Variants in C3orf20 observed in about 807,000 individuals in gnomAD.
C3orf20 encodes family with sequence similarity 149 member C, also known as uncharacterized protein C3orf20.
C3orf20 carries 76 observed loss-of-function variants against 88.3 expected under a neutral mutation model. The observed-to-expected ratio is 0.86, with a 90% confidence interval of 0.72 to 1.04. The LOEUF is 1.04. C3orf20 is among the 50% of genes least tolerant of loss of function. The pLI, the probability that C3orf20 is intolerant of heterozygous loss-of-function variation, is 0.00. For synonymous variants in C3orf20, 436 were observed against 437.4 expected, an observed-to-expected ratio of 1.00 and a Z score of 0.04; for missense variants, 1,056 against 1,123.3, an observed-to-expected ratio of 0.94 and a Z score of 0.86.
Position 14,768,434 on chromosome 3 carries a change from G to T in C3orf20, c.2496-3633G>T, listed in dbSNP as rs893558421. On this transcript the variant is annotated intron_variant, in intron 15 of 16. Transcript: ENST00000253697. This position sits in a 1 kb window ranked among gnomAD's most constrained non-coding sequence, Gnocchi z 4.1. ...CAGCCCAAGGAAGCCCCTTGGACAG[G>T]CAGGGGAAGGGCATGCAGACGTAGG... Among the ~76,000 whole-genome samples, 2 of 152,152 alleles carry T rather than the reference G, an allele frequency of 1.3e-5. No homozygotes were observed. The highest frequency in any genetic ancestry group is 1.9e-4 in the East Asian group (1 of 5,174).
chr3:14,704,281 T>A (rs1173178480), intron 6 of C3orf20, 56 bp from the exon 7 acceptor site: 3 of 1,578,944 alleles, frequency 1.9e-6, no homozygotes, highest in South Asian at 1.2e-5. Flanking sequence ...GTAGAGAGCA[T>A]CCCTGGTGCT....
Position 14,690,928 on chromosome 3 carries a change from G to A in C3orf20, c.745+812G>A, listed in dbSNP as rs190135223. On this transcript the variant is annotated intron_variant, in intron 5 of 16. Transcript: ENST00000253697. ...AAGCCAAGGAGCTTGGATTTCCTCC[G>A]TGCCCCAGCCCCTGGCTGGCTGTTT... 7.9e-5 allele frequency among the ~76,000 whole-genome samples: 12 copies of A among 152,304 alleles called. No individual in the cohort carries two copies. In the South Asian group the frequency reaches 1.0e-3, roughly 13 times the overall value.
Position 14,711,873 on chromosome 3 carries a change from C to T in C3orf20, c.1161-2134C>T, listed in dbSNP as rs1575115621. 2.6e-5 allele frequency among the ~76,000 whole-genome samples: 4 copies of T among 152,054 alleles called. 1 individual carries two copies. In the Middle Eastern group the frequency reaches 0.014, roughly 517 times the overall value. On this transcript the variant is annotated intron_variant, in intron 7 of 16. Coordinates refer to ENST00000253697, the MANE Select transcript of C3orf20 (RefSeq NM_032137.5). ...TATGTCGTATACCATCTTTGTTTCTCAGTTCCTTCATTACTTCCACTTTTT... is the reference window on the plus strand; with the variant it reads ...TATGTCGTATACCATCTTTGTTTCTTAGTTCCTTCATTACTTCCACTTTTT...
intron 14 of C3orf20, among the ~76,000 whole-genome samples, chr3:14,760,559 T>A (rs7648527): frequency 0.32 from 47,492 of 150,530 alleles, 7,949 homozygotes; most frequent in Middle Eastern, 0.39. Flanking sequence ...ATGTCCTTAT[T>A]TAGTTTGTAA....
chr3:14,707,445 T>TG (rs2033556837), intron 7 of C3orf20, among the ~76,000 whole-genome samples: 2 of 136,374 alleles, frequency 1.5e-5, no homozygotes, highest in African/African-American at 5.5e-5. Flanking sequence ...GCATCTTTTC[T>TG]TGTGTGTGTG....
At position 14,757,561 on chromosome 3, in the gene C3orf20, C is replaced by G. The variant is rs2035413146; in HGVS notation, c.2131C>G (p.Leu711Val). The G allele has an allele frequency of 6.2e-7, 1 of 1,614,126 alleles. No homozygotes were observed. Among genetic ancestry groups the G allele is most frequent in the Non-Finnish European group, 8.5e-7 (1 of 1,179,992 alleles). The change falls in exon 13 of 17, where the codon CTG becomes GTG. Residue 711 changes from leucine to valine, a missense_variant. By Grantham distance (32) the Leu-to-Val change is conservative. Coordinates refer to ENST00000253697, the MANE Select transcript of C3orf20 (RefSeq NM_032137.5). ...LLAPRDPSQV[L>V]VFGIISSQNY... Reference sequence around the variant, plus strand: ...GGCGCCCCGAGACCCCAGCCAAGTGCTGGTGTTTGGGATCATCTCAAGCCA... The same window carrying G: ...GGCGCCCCGAGACCCCAGCCAAGTGGTGGTGTTTGGGATCATCTCAAGCCA...
rs372038629 is a variant in C3orf20, at chr3:14,761,597, C to G, written c.2477C>G (p.Pro826Arg). The change falls in exon 15 of 17, where the codon CCG becomes CGG. Residue 826 changes from proline (P) to arginine (R), a missense_variant. Pro to Arg is a moderately radical substitution (Grantham distance 103). Transcript: ENST00000253697. ...GATTACAAGATGGGCTACTTCCTGC[C>G]GGATGACTACAAATTCAGGTAAAAC... ...QQDYKMGYFL[P>R]DDYKFSVPNS... is the part of the protein sequence containing the mutation. 1 of 1,613,954 alleles carries G rather than the reference C, an allele frequency of 6.2e-7. No individual in the cohort carries two copies. Among genetic ancestry groups the G allele is most frequent in the South Asian group, 1.1e-5 (1 of 91,066 alleles).
chr3:14,771,109 C>G (rs560128890), intron 15 of C3orf20, among the ~76,000 whole-genome samples: 1 of 152,322 alleles, frequency 6.6e-6, no homozygotes, highest in South Asian at 2.1e-4. Context: ...TGGGATGGAA[C>G]CCTCATGAAT....
Position 14,768,672 on chromosome 3 carries a change from C to T in C3orf20, c.2496-3395C>T, listed in dbSNP as rs542157070. Among the ~76,000 whole-genome samples, 196 of 151,980 alleles carry T rather than the reference C, an allele frequency of 1.3e-3. 4 individuals are homozygous for T. The highest frequency in any genetic ancestry group is 2.5e-3 in the Non-Finnish European group (167 of 68,004). On this transcript the variant is annotated intron_variant, in intron 15 of 16. Transcript: ENST00000253697. This position sits in a 1 kb window ranked among gnomAD's most constrained non-coding sequence, Gnocchi z 4.1. Reference sequence around the variant, plus strand: ...TTTTCTGGACTGGGGCCTGAGGGGGCGCTGAGTAGAGAGAAATTACCTTCC... The same window carrying T: ...TTTTCTGGACTGGGGCCTGAGGGGGTGCTGAGTAGAGAGAAATTACCTTCC...
intron 7 of C3orf20, among the ~76,000 whole-genome samples, chr3:14,706,558 G>T (rs1233057432): frequency 8.7e-6 from 1 of 114,646 alleles, no homozygotes; most frequent in Non-Finnish European, 1.6e-5. Flanking sequence ...CCCCCAAATG[G>T]TCTGAGAGAT....
intron 5 of C3orf20, among the ~76,000 whole-genome samples, chr3:14,692,474 A>C (rs575969184): frequency 6.6e-5 from 10 of 152,206 alleles, no homozygotes; most frequent in African/African-American, 2.4e-4. Flanking sequence ...TGTAGTTTTA[A>C]TTTGCATTTC....
At chr3:14,694,546 T>C (rs1194900369) in intron 5 of C3orf20, among the ~76,000 whole-genome samples, 2 of 152,190 alleles carry the variant, frequency 1.3e-5, no homozygotes, top group Non-Finnish European at 2.9e-5. Context: ...TCCTGTTTCA[T>C]CTCTGATTTT....
At position 14,738,394 on chromosome 3, in the gene C3orf20, TCTCAG is replaced by T. The variant is rs2034790073; in HGVS notation, c.1940+9711_1940+9715del. Among the ~76,000 whole-genome samples, 3 of 149,984 alleles carry T rather than the reference TCTCAG, an allele frequency of 2.0e-5. No homozygotes were observed. In the South Asian group the frequency reaches 6.4e-4, roughly 32 times the overall value. On this transcript the variant is annotated intron_variant, in intron 12 of 16. Transcript: ENST00000253697. ...CCCAGGCTGGAGTGCAGTGGCGTGA[TCTCAG>T]CTCACTGCAAGCTCCACCTTCTGGG... is the stretch of plus-strand genomic sequence containing the variant.
At chr3:14,730,576 G>A (rs11710838) in intron 12 of C3orf20, among the ~76,000 whole-genome samples, 9 of 152,012 alleles carry the variant, frequency 5.9e-5, no homozygotes, top group Admixed American at 1.3e-4. Context: ...ATAATCGATT[G>A]TAAATACACC....
chr3:14,704,737 G>C lies in C3orf20; in HGVS notation c.1160+119G>C, dbSNP rs1375191133. ...TTAGTTATCAGAGAAGCCTGGTGATGGGTCTCCTGGGTATTAAGAGCTTGT... is the reference window on the plus strand; with the variant it reads ...TTAGTTATCAGAGAAGCCTGGTGATCGGTCTCCTGGGTATTAAGAGCTTGT... On this transcript the variant is annotated intron_variant, in intron 7 of 16. Coordinates refer to ENST00000253697, the MANE Select transcript of C3orf20 (RefSeq NM_032137.5). 3.4e-6 allele frequency: 4 copies of C among 1,188,922 alleles called. No individual in the cohort carries two copies. The African/African-American group carries it at 4.6e-5, about 14-fold the overall frequency. 73.6% of individuals were successfully genotyped at this position (1,188,922 alleles called of 1,614,324 possible).
chr3:14,743,819 C>T (rs1442480817), intron 12 of C3orf20, among the ~76,000 whole-genome samples: 8 of 152,000 alleles, frequency 5.3e-5, no homozygotes, highest in Non-Finnish European at 8.8e-5. Context: ...TATATGTTGG[C>T]CCCTTTCAGC....
At chr3:14,762,286 G>A (rs2035585235) in intron 15 of C3orf20, among the ~76,000 whole-genome samples, 1 of 152,230 alleles carries the variant, frequency 6.6e-6, no homozygotes, top group Admixed American at 6.5e-5. Flanking sequence ...CTGAGCTTGG[G>A]CTTTTCAACC....
intron 12 of C3orf20, among the ~76,000 whole-genome samples, chr3:14,749,220 T>C (rs1163360465): frequency 6.6e-6 from 1 of 152,272 alleles, no homozygotes; most frequent in East Asian, 1.9e-4. Context: ...TCTCCCATAA[T>C]AATTTTTTAC....
In C3orf20 at chr3:14,701,580, G is replaced by A. The variant is rs578106665; in HGVS notation, c.746-1550G>A. On this transcript the variant is annotated intron_variant, in intron 5 of 16. Coordinates refer to ENST00000253697, the MANE Select transcript of C3orf20 (RefSeq NM_032137.5). The surrounding 1 kb of genome is among the most constrained non-coding windows in gnomAD (Gnocchi z 4.6). ...AAAATTAGTATCACAGGCACAGATC[G>A]TTGTCATCCAGGTCATGCAGATCAT... is the stretch of plus-strand genomic sequence containing the variant. 1.6e-4 allele frequency among the ~76,000 whole-genome samples: 24 copies of A among 152,248 alleles called. No homozygotes were observed. Among genetic ancestry groups the A allele is most frequent in the Admixed American group, 9.2e-4 (14 of 15,286 alleles).
Sources: allele counts gnomAD v4.1 joint callset (sites outside exome capture counted in the v4.1 genomes callset), GRCh38; gene constraint gnomAD v4.1.1; non-coding constraint Gnocchi (gnomAD v3.1); transcripts MANE v1.5; gene names NCBI Gene and HGNC (gene_info 2026-07-23, HGNC 2026-07-21).